Variants in SH3RF2 observed in about 807,000 individuals in gnomAD.
The protein encoded by SH3RF2 is E3 ubiquitin-protein ligase SH3RF2.
SH3RF2 carries 43 observed loss-of-function variants against 59.0 expected under a neutral mutation model. The ratio of observed to expected loss-of-function variants is 0.73; its 90% confidence interval spans 0.57 to 0.94. The LOEUF is 0.94. SH3RF2 is among the 40% of genes least tolerant of loss of function. SH3RF2 has a pLI of 0.00. For missense variants in SH3RF2, 930 were observed against 940.1 expected (o/e 0.99, Z 0.14); for synonymous variants, 391 against 391.5 (o/e 1.00, Z 0.01).
downstream of SH3RF2, among the ~76,000 whole-genome samples, chr5:146,067,980 T>C (rs1763144315): frequency 6.6e-6 from 1 of 152,150 alleles, no homozygotes; most frequent in Non-Finnish European, 1.5e-5. Flanking sequence ...GAGAGGTCAC[T>C]CAAAAGCTAA....
At chr5:145,969,933 G>C (rs1759010449) in intron 2 of SH3RF2, among the ~76,000 whole-genome samples, 1 of 151,868 alleles carries the variant, frequency 6.6e-6, no homozygotes, top group Admixed American at 6.6e-5. Context: ...TTTTCCCTGG[G>C]CTCTGCATTA....
At chr5:146,032,991 G>C (rs1228828017) in intron 5 of SH3RF2, among the ~76,000 whole-genome samples, 1 of 152,182 alleles carries the variant, frequency 6.6e-6, no homozygotes, top group Non-Finnish European at 1.5e-5. Flanking sequence ...AGGGCTGAGA[G>C]GACAGGCTCT....
chr5:145,937,138 C>T (rs903211706), intron 1 of SH3RF2: 1 of 150,184 alleles, frequency 6.7e-6, no homozygotes, highest in African/African-American at 2.5e-5. Flanking sequence ...GGAACATTGT[C>T]TCTGAGCCTA....
intron 7 of SH3RF2, among the ~76,000 whole-genome samples, chr5:146,051,840 G>C (rs538307238): frequency 6.6e-6 from 1 of 152,292 alleles, no homozygotes; most frequent in Admixed American, 6.5e-5. Flanking sequence ...ATCATGGTGG[G>C]ATGAGTTGTA....
At chr5:145,944,946 C>T (rs1246850294) in intron 2 of SH3RF2, among the ~76,000 whole-genome samples, 1 of 152,162 alleles carries the variant, frequency 6.6e-6, no homozygotes, top group Non-Finnish European at 1.5e-5. Context: ...GCTATAGGCA[C>T]TATGGTAACC....
chr5:145,962,183 C>T (rs1758654755), intron 2 of SH3RF2, among the ~76,000 whole-genome samples: 1 of 152,140 alleles, frequency 6.6e-6, no homozygotes, highest in Non-Finnish European at 1.5e-5. Flanking sequence ...TTGGTTGGAC[C>T]TCGGTCATGT....
chr5:146,001,330 T>G (rs1338568122), intron 3 of SH3RF2, among the ~76,000 whole-genome samples: 1 of 152,232 alleles, frequency 6.6e-6, no homozygotes, highest in African/African-American at 2.4e-5. Flanking sequence ...ACTGCTACAA[T>G]AGCTTAGGCA....
chr5:146,078,689 A>C (rs1421525046), exon 10 of SH3RF2: 1 of 152,256 alleles, frequency 6.6e-6, no homozygotes, highest in South Asian at 2.1e-4. Context: ...GTGGTGGGCC[A>C]GAATGGAGGA....
At chr5:145,939,993 T>C (rs1757754764) in intron 2 of SH3RF2, among the ~76,000 whole-genome samples, 1 of 152,180 alleles carries the variant, frequency 6.6e-6, no homozygotes, top group African/African-American at 2.4e-5. Context: ...GATGAATGGA[T>C]CCACAGCTAC....
rs528967302 is a variant in SH3RF2 at position 146,011,122 on chromosome 5, T to A, written c.745-2625T>A. Among the ~76,000 whole-genome samples the A allele has an allele frequency of 4.0e-4, 61 of 152,346 alleles. 1 individual carries two copies. The South Asian group carries it at 0.012, about 30-fold the overall frequency. On this transcript the variant is annotated intron_variant, in intron 4 of 9. Transcript: ENST00000359120. ...TGGCTAGCCAGTTTTCCCAGCACCA[T>A]TTATTAAATAGGGAATCGTTTCCCC... is the stretch of plus-strand genomic sequence containing the variant.
At chr5:146,008,313 G>A (rs1343165215) in intron 4 of SH3RF2, among the ~76,000 whole-genome samples, 1 of 152,202 alleles carries the variant, frequency 6.6e-6, no homozygotes, top group Non-Finnish European at 1.5e-5. Flanking sequence ...CCGGAGCCCT[G>A]TGTCAGTGTT....
chr5:145,969,111 G>A (rs1206447515), intron 2 of SH3RF2, among the ~76,000 whole-genome samples: 1 of 152,074 alleles, frequency 6.6e-6, no homozygotes, highest in Non-Finnish European at 1.5e-5. Context: ...ATGGCCAAGG[G>A]TGTGCAAATA....
chr5:145,957,267 C>CA (rs1045265192), intron 2 of SH3RF2, among the ~76,000 whole-genome samples: 27 of 151,956 alleles, frequency 1.8e-4, no homozygotes, highest in Admixed American at 7.2e-4. Flanking sequence ...AACAAGCAAA[C>CA]AAAAAAACAC....
intron 3 of SH3RF2, among the ~76,000 whole-genome samples, chr5:146,002,460 AAAGAAAGAAAAGG>A (rs1561734797): frequency 8.4e-5 from 12 of 143,226 alleles, no homozygotes; most frequent in Non-Finnish European, 1.5e-5. Flanking sequence ...AAAAATTAAA[AAAGAAAGAAAAGG>A]AAGGAAGGAA....
downstream of SH3RF2, among the ~76,000 whole-genome samples, chr5:146,064,866 G>GAAAGAAAGAA (rs1561773964): frequency 3.6e-5 from 3 of 84,064 alleles, no homozygotes; most frequent in Admixed American, 2.4e-4. Flanking sequence ...GAAAGAAAGA[G>GAAAGAAAGAA]AAAGAAAAAG....
Position 145,939,600 on chromosome 5 carries a change from G to A in SH3RF2, c.378+1294G>A, listed in dbSNP as rs562048619. Among the ~76,000 whole-genome samples the A allele has an allele frequency of 5.9e-5, 9 of 152,238 alleles. 1 individual carries two copies. The South Asian group carries it at 1.7e-3, about 28-fold the overall frequency. ...TCACTGTAGGCTTTTTATTGCCATT[G>A]TGCTTGTAAGTGACACATTCCAGAA... On this transcript the variant is annotated intron_variant, in intron 2 of 9. Coordinates refer to ENST00000359120, the MANE Select transcript of SH3RF2 (RefSeq NM_152550.4).
intron 3 of SH3RF2, among the ~76,000 whole-genome samples, chr5:146,003,088 T>C (rs1299781763): frequency 1.3e-5 from 2 of 152,196 alleles, no homozygotes; most frequent in Admixed American, 6.5e-5. Context: ...AGAAGGTCTT[T>C]AGTGGATGAA....
At chr5:146,046,329 T>G (rs1356314974) in intron 5 of SH3RF2, among the ~76,000 whole-genome samples, 1 of 152,086 alleles carries the variant, frequency 6.6e-6, no homozygotes, top group African/African-American at 2.4e-5. Flanking sequence ...AACATACATG[T>G]TTGCTCAAAA....
At chr5:145,992,990 C>T in intron 2 of SH3RF2, among the ~76,000 whole-genome samples, 1 of 152,094 alleles carries the variant, frequency 6.6e-6, no homozygotes, top group Non-Finnish European at 1.5e-5. Flanking sequence ...CACCTACGAG[C>T]CTGTAAAATC....
Sources: allele counts gnomAD v4.1 joint callset (sites outside exome capture counted in the v4.1 genomes callset), GRCh38; gene constraint gnomAD v4.1.1; transcripts MANE v1.5; gene names NCBI Gene and HGNC (gene_info 2026-07-23, HGNC 2026-07-21).